Variants in ZFP90 observed in about 807,000 individuals in gnomAD.
The protein encoded by ZFP90 is ZFP90 zinc finger protein, also known as zinc finger protein 90 homolog.
In ZFP90, 38 loss-of-function variants were observed where a neutral mutation model predicts 60.8. The observed-to-expected ratio is 0.62, with a 90% CI of 0.48 to 0.82. The LOEUF (loss-of-function observed/expected upper bound fraction) is 0.82, where lower values mean the gene tolerates loss of function less well. Among genes scored for constraint, ZFP90 ranks in the 40% least tolerant of loss-of-function variants. ZFP90 has a pLI of 0.00. For synonymous variants in ZFP90, 287 were observed against 264.8 expected (o/e 1.08, Z -0.82); for missense variants, 711 against 759.1 (o/e 0.94, Z 0.74).
upstream of ZFP90, chr16:68,535,439 A>T (rs2090953240): frequency 6.6e-6 from 1 of 152,092 alleles, no homozygotes; most frequent in South Asian, 2.1e-4. Context: ...CTCCTATTAG[A>T]TACCCTGCTT....
At chr16:68,560,419 C>G (rs1312283893) in intron 4 of ZFP90, among the ~76,000 whole-genome samples, 1 of 152,142 alleles carries the variant, frequency 6.6e-6, no homozygotes, top group East Asian at 1.9e-4. Context: ...ATGATGTTTT[C>G]AAGGTTCAAT....
chr16:68,546,436 G>A (rs760122354), intron 2 of ZFP90, among the ~76,000 whole-genome samples: 20 of 152,056 alleles, frequency 1.3e-4, no homozygotes, highest in South Asian at 2.1e-4. Context: ...CTTTCAGCCC[G>A]TGCAACTACC....
downstream of ZFP90, among the ~76,000 whole-genome samples, chr16:68,569,967 AT>A (rs111439336): frequency 4.3e-3 from 629 of 147,970 alleles, 4 homozygotes; most frequent in Non-Finnish European, 6.5e-3. Context: ...TCCTGCATTT[AT>A]TTTTTTTTTC....
At chr16:68,570,745 AACATTATTTGAT>A (rs1221277272), downstream of ZFP90, among the ~76,000 whole-genome samples, 1 of 152,218 alleles carries the variant, frequency 6.6e-6, no homozygotes, top group Non-Finnish European at 1.5e-5. Flanking sequence ...TTGTCTTTTC[AACATTATTTGAT>A]ACATTAGTTG....
chr16:68,571,176 A>G (rs553587126), downstream of ZFP90, among the ~76,000 whole-genome samples: 72 of 152,370 alleles, frequency 4.7e-4, no homozygotes, highest in African/African-American at 1.6e-3. Flanking sequence ...GATTTCTGCA[A>G]CAGCATCAAG....
chr16:68,539,426 C>T lies in ZFP90; in HGVS notation c.-89C>T, dbSNP rs1184441246. On this transcript the variant is annotated 5_prime_UTR_variant, in exon 1 of 5. Transcript: ENST00000563169. ...GGGGCGGGAGGAGCTGCCCGAGGCTCTGGGTGGGCCGGAGGTCGCGAAATC... is the reference window on the plus strand; with the variant it reads ...GGGGCGGGAGGAGCTGCCCGAGGCTTTGGGTGGGCCGGAGGTCGCGAAATC... 1 of 334,264 alleles carries T rather than the reference C, an allele frequency of 3.0e-6. No individual in the cohort carries two copies. Among genetic ancestry groups the T allele is most frequent in the East Asian group, 4.8e-5 (1 of 20,814 alleles). The allele number at this position is 334,264 out of a possible 1,614,324, so 20.7% of individuals were successfully genotyped here. A position where few individuals can be genotyped will look rare whatever the true frequency, so the allele number is the denominator to read the frequency against.
intron 2 of ZFP90, among the ~76,000 whole-genome samples, chr16:68,554,271 G>A (rs560853889): frequency 2.0e-5 from 3 of 152,026 alleles, no homozygotes; most frequent in South Asian, 2.1e-4. Context: ...ACAGGCGCCC[G>A]TCACCACGCC....
At chr16:68,549,101 C>CT (rs1451169278) in intron 2 of ZFP90, among the ~76,000 whole-genome samples, 1 of 152,152 alleles carries the variant, frequency 6.6e-6, no homozygotes, top group East Asian at 1.9e-4. Flanking sequence ...CAGGGTCATG[C>CT]TTCAGAACCA....
intron 2 of ZFP90, among the ~76,000 whole-genome samples, chr16:68,572,142 A>T (rs1372445258): frequency 6.6e-6 from 1 of 150,928 alleles, no homozygotes; most frequent in Non-Finnish European, 1.5e-5. Flanking sequence ...AGCAGCTAGG[A>T]CTACAGGTGC....
At chr16:68,550,278 G>C (rs2091237729) in intron 2 of ZFP90, among the ~76,000 whole-genome samples, 1 of 151,840 alleles carries the variant, frequency 6.6e-6, no homozygotes, top group Admixed American at 6.6e-5. Flanking sequence ...TTATTTATTT[G>C]AAACAGAGTC....
At chr16:68,572,178 A>G (rs1170433) in intron 2 of ZFP90, among the ~76,000 whole-genome samples, 115,873 of 150,946 alleles carry the variant, frequency 0.77, 44,543 homozygotes, top group East Asian at 0.82. Flanking sequence ...GCTGACAAAC[A>G]CTTTTTTTTT....
At chr16:68,539,699 C>T (rs1050688151) in intron 1 of ZFP90, 59 bp from the exon 2 acceptor site, 8 of 894,024 alleles carry the variant, frequency 8.9e-6, no homozygotes, top group Middle Eastern at 5.0e-4. Flanking sequence ...TGGGGCGGGG[C>T]GGGGCGGGGT....
At chr16:68,560,197 G>C (rs960156715) in intron 4 of ZFP90, among the ~76,000 whole-genome samples, 1 of 152,132 alleles carries the variant, frequency 6.6e-6, no homozygotes, top group African/African-American at 2.4e-5. Flanking sequence ...CATATATTCA[G>C]ATAGTTGTAC....
chr16:68,574,643 A>G (rs1329137579), intron 2 of ZFP90, among the ~76,000 whole-genome samples: 1 of 152,116 alleles, frequency 6.6e-6, no homozygotes, highest in African/African-American at 2.4e-5. Context: ...ACACGCGTGG[A>G]CCGGGTGTGG....
At position 68,545,473 on chromosome 16, in the gene ZFP90, T is replaced by C. The variant is rs117190143; in HGVS notation, c.33+5648T>C. ...AATGTGATTTGCACTGAACAGTTTTTAAAAAATTTGTCTTTAGGATGTTAG... is the reference window on the plus strand; with the variant it reads ...AATGTGATTTGCACTGAACAGTTTTCAAAAAATTTGTCTTTAGGATGTTAG... On this transcript the variant is annotated intron_variant, in intron 2 of 4. Transcript: ENST00000563169. 1.4e-3 allele frequency among the ~76,000 whole-genome samples: 218 copies of C among 152,328 alleles called. 5 individuals are homozygous for C. In the East Asian group the frequency reaches 0.037, roughly 26 times the overall value.
intron 2 of ZFP90, among the ~76,000 whole-genome samples, chr16:68,572,570 A>T (rs2091573840): frequency 6.6e-6 from 1 of 152,180 alleles, no homozygotes; most frequent in Admixed American, 6.5e-5. Flanking sequence ...CTATAGATAT[A>T]AAAACCATGT....
chr16:68,547,468 G>A (rs1485755744), intron 2 of ZFP90, among the ~76,000 whole-genome samples: 1 of 151,894 alleles, frequency 6.6e-6, no homozygotes, highest in Non-Finnish European at 1.5e-5. Context: ...ATATATTCTG[G>A]GTATTACTTG....
downstream of ZFP90, among the ~76,000 whole-genome samples, chr16:68,567,528 A>G (rs1277363997): frequency 6.6e-6 from 1 of 152,180 alleles, no homozygotes. Context: ...AAGGAGCCCT[A>G]CTTTGGGCTT....
intron 2 of ZFP90, among the ~76,000 whole-genome samples, chr16:68,541,020 G>A (rs1237871593): frequency 6.7e-6 from 1 of 150,138 alleles, no homozygotes; most frequent in Non-Finnish European, 1.5e-5. Context: ...ACCATGCCCG[G>A]CTAATTTTTG....
Sources: gnomAD v4.1 joint callset for allele counts (sites outside exome capture counted in the v4.1 genomes callset) on GRCh38, gnomAD v4.1.1 for gene constraint, MANE v1.5 for transcripts, NCBI Gene and HGNC (gene_info 2026-07-23, HGNC 2026-07-21) for gene names.